Variants in AGAP1 observed in about 807,000 individuals in gnomAD.
The protein encoded by AGAP1 is ArfGAP with GTPase domain, ankyrin repeat and PH domain 1.
In AGAP1, 29 loss-of-function variants were observed where a neutral mutation model predicts 105.3. That is an observed-to-expected ratio of 0.28 (90% CI 0.21 to 0.38). AGAP1 has a LOEUF of 0.38. Ranked by LOEUF, AGAP1 falls within the 10% of genes least tolerant of loss-of-function variation. AGAP1 has a pLI of 1.00. For synonymous variants in AGAP1, 509 were observed against 485.9 expected, an observed-to-expected ratio of 1.05 and a Z score of -0.63; for missense variants, 998 against 1,165.1, an observed-to-expected ratio of 0.86 and a Z score of 2.09.
At position 235,875,159 on chromosome 2, in the gene AGAP1, G is replaced by A. The variant is rs950897930; in HGVS notation, c.1051-8186G>A. Among the ~76,000 whole-genome samples the A allele has an allele frequency of 2.0e-5, 3 of 152,190 alleles. No homozygotes were observed. The highest frequency in any genetic ancestry group is 1.5e-5 in the Non-Finnish European group (1 of 68,036). ...AGGAGGTCAGCCTTGTTTTATAAAT[G>A]AGGTCACTTTTCAACCTTACTGGTC... On this transcript the variant is annotated intron_variant, in intron 9 of 17. Coordinates refer to ENST00000304032, the MANE Select transcript of AGAP1 (RefSeq NM_001037131.3). The surrounding 1 kb of genome is among the most constrained non-coding windows in gnomAD (Gnocchi z 4.0).
intron 13 of AGAP1, among the ~76,000 whole-genome samples, chr2:235,990,018 T>C (rs758855636): frequency 3.3e-5 from 5 of 151,948 alleles, no homozygotes; most frequent in Non-Finnish European, 7.4e-5. Context: ...CTCACGGAGA[T>C]TCAGACTCAT....
At chr2:235,526,304 A>G (rs1022735698) in intron 1 of AGAP1, among the ~76,000 whole-genome samples, 2 of 152,240 alleles carry the variant, frequency 1.3e-5, no homozygotes, top group African/African-American at 2.4e-5. Flanking sequence ...CCAGAGGCAT[A>G]TCTAGGTTCT....
At position 235,964,321 on chromosome 2, in the gene AGAP1, G is replaced by A. The variant is rs2054303597; in HGVS notation, c.1484-4141G>A. Among the ~76,000 whole-genome samples, 1 of 152,098 alleles carries A rather than the reference G, an allele frequency of 6.6e-6. No homozygotes were observed. The highest frequency in any genetic ancestry group is 1.5e-5 in the Non-Finnish European group (1 of 68,026). On this transcript the variant is annotated intron_variant, in intron 12 of 17. Transcript: ENST00000304032. The surrounding 1 kb of genome is among the most constrained non-coding windows in gnomAD (Gnocchi z 4.6). ...TAGCGGCCCCTGGCAGCCGAGGAGA[G>A]TTGCGTTTGCCTGTTCTGCTTATCT...
At position 235,908,897 on chromosome 2, in the gene AGAP1, C is replaced by G. The variant is rs1213447906; in HGVS notation, c.1315C>G (p.Pro439Ala). ...GGACATGAGCAGTTTACACATCTCA[C>G]CCAATTCAGGTAAGCTTACAGCAAA... ...SKDMSSLHISPNSGNVTSASG... is the reference protein window; with the variant it reads ...SKDMSSLHISANSGNVTSASG... The change falls in exon 11 of 18, where the codon CCC becomes GCC. Residue 439 changes from proline to alanine, a missense_variant. Pro to Ala is a conservative substitution (Grantham distance 27). This residue lies in a region of AGAP1 where 735 missense variants were observed against 833.4 expected (regional missense o/e 0.88). Transcript: ENST00000304032. The surrounding 1 kb of genome is among the most constrained non-coding windows in gnomAD (Gnocchi z 4.4). The G allele has an allele frequency of 6.2e-7, 1 of 1,611,194 alleles. No individual in the cohort carries two copies. The highest frequency in any genetic ancestry group is 8.5e-7 in the Non-Finnish European group (1 of 1,178,176).
intron 1 of AGAP1, among the ~76,000 whole-genome samples, chr2:235,681,995 A>T (rs1575114389): frequency 6.6e-6 from 1 of 151,618 alleles, no homozygotes; most frequent in Middle Eastern, 3.5e-3. Context: ...GATTACAGGC[A>T]TCCGCCACCA....
chr2:235,767,576 A>T (rs553209946), intron 6 of AGAP1, among the ~76,000 whole-genome samples: 1 of 152,252 alleles, frequency 6.6e-6, no homozygotes, highest in South Asian at 2.1e-4. Context: ...GGAGTTGATC[A>T]TTTTTTGGAA....
Position 235,663,098 on chromosome 2 carries a change from G to T in AGAP1, c.164-46081G>T, listed in dbSNP as rs1217383579. On this transcript the variant is annotated intron_variant, in intron 1 of 17. Coordinates refer to ENST00000304032, the MANE Select transcript of AGAP1 (RefSeq NM_001037131.3). The surrounding 1 kb of genome is among the most constrained non-coding windows in gnomAD (Gnocchi z 5.4). ...CCAGCACTTTGGGAGGCCGAGGCGG[G>T]TGGATCATCTGAGGTCAGCCTGACC... is the stretch of plus-strand genomic sequence containing the variant. 6.6e-6 allele frequency among the ~76,000 whole-genome samples: 1 copy of T among 152,170 alleles called. No homozygotes were observed. Among genetic ancestry groups the T allele is most frequent in the Non-Finnish European group, 1.5e-5 (1 of 68,040 alleles).
At chr2:235,890,618 C>A (rs940937284) in intron 10 of AGAP1, among the ~76,000 whole-genome samples, 2 of 152,192 alleles carry the variant, frequency 1.3e-5, no homozygotes, top group Non-Finnish European at 2.9e-5. Flanking sequence ...GGAGCTGGAG[C>A]ACACCTGCAT....
rs553558816 is a variant in AGAP1, at chr2:235,499,243, C to T, written c.163+4394C>T. Among the ~76,000 whole-genome samples, 286 of 152,276 alleles carry T rather than the reference C, an allele frequency of 1.9e-3. 1 individual carries two copies. Among genetic ancestry groups the T allele is most frequent in the African/African-American group, 6.6e-3 (273 of 41,540 alleles). ...GTGCAAAGCATCCCAAGCTTGTTTC[C>T]GCCACCCAAGGCAAGAGGGTTTGAG... On this transcript the variant is annotated intron_variant, in intron 1 of 17. Coordinates refer to ENST00000304032, the MANE Select transcript of AGAP1 (RefSeq NM_001037131.3).
At chr2:235,795,694 T>C (rs1450440066) in intron 6 of AGAP1, among the ~76,000 whole-genome samples, 1 of 152,240 alleles carries the variant, frequency 6.6e-6, no homozygotes, top group Non-Finnish European at 1.5e-5. Flanking sequence ...TAAAAACTAC[T>C]ACCAGTTACC....
chr2:235,659,427 G>A lies in AGAP1; in HGVS notation c.164-49752G>A, dbSNP rs1167442461. 6.6e-6 allele frequency among the ~76,000 whole-genome samples: 1 copy of A among 152,202 alleles called. No homozygotes were observed. The highest frequency in any genetic ancestry group is 2.4e-5 in the African/African-American group (1 of 41,450). On this transcript the variant is annotated intron_variant, in intron 1 of 17. Transcript: ENST00000304032. The surrounding 1 kb of genome is among the most constrained non-coding windows in gnomAD (Gnocchi z 5.0). The stretch of plus-strand genomic sequence containing the variant: ...GGTGCACTGGGAAGGGGCGTCAGCT[G>A]GGCAGGCTGAGCCTGTCACCTTTTT...
intron 9 of AGAP1, among the ~76,000 whole-genome samples, chr2:235,862,908 T>A (rs534222402): frequency 6.6e-6 from 1 of 152,150 alleles, no homozygotes; most frequent in Non-Finnish European, 1.5e-5. Context: ...GATCTCTGTG[T>A]GCATGCTTTT....
chr2:235,727,358 G>A (rs1424316970), intron 3 of AGAP1, among the ~76,000 whole-genome samples: 1 of 152,080 alleles, frequency 6.6e-6, no homozygotes, highest in Admixed American at 6.5e-5. Context: ...AGGGGGTGTT[G>A]TGCAATGCAG....
chr2:235,523,194 C>T (rs1023952508), intron 1 of AGAP1, among the ~76,000 whole-genome samples: 1 of 152,144 alleles, frequency 6.6e-6, no homozygotes, highest in African/African-American at 2.4e-5. Context: ...CATCATGCTC[C>T]TCACGGCCAT....
intron 10 of AGAP1, among the ~76,000 whole-genome samples, chr2:235,884,452 GTTTTTTTT>G (rs35976413): frequency 2.4e-5 from 3 of 124,674 alleles, no homozygotes; most frequent in Non-Finnish European, 4.9e-5. Flanking sequence ...ATTTTTCACT[GTTTTTTTT>G]TTTTTTTTTG....
chr2:235,679,270 C>G (rs755106069), intron 1 of AGAP1, among the ~76,000 whole-genome samples: 32 of 152,132 alleles, frequency 2.1e-4, no homozygotes, highest in Non-Finnish European at 3.8e-4. Flanking sequence ...CATATCTTTG[C>G]TTTACTTTAT....
intron 6 of AGAP1, among the ~76,000 whole-genome samples, chr2:235,786,458 C>G (rs146256666): frequency 1.8e-3 from 267 of 152,282 alleles, no homozygotes; most frequent in African/African-American, 6.2e-3. Flanking sequence ...TCAGATTAAT[C>G]TAAGCTATGT....
At chr2:235,654,684 A>G (rs1947717235) in intron 1 of AGAP1, among the ~76,000 whole-genome samples, 1 of 152,198 alleles carries the variant, frequency 6.6e-6, no homozygotes, top group African/African-American at 2.4e-5. Context: ...CCACTTCTAA[A>G]GATGACATGC....
intron 1 of AGAP1, among the ~76,000 whole-genome samples, chr2:235,672,796 T>C (rs1415239584): frequency 6.6e-6 from 1 of 152,218 alleles, no homozygotes; most frequent in Non-Finnish European, 1.5e-5. Flanking sequence ...TCCCTCTTGA[T>C]ACAAGTTAAA....
Sources: gnomAD v4.1 joint callset for allele counts (sites outside exome capture counted in the v4.1 genomes callset) on GRCh38, gnomAD v4.1.1 for gene constraint, gnomAD v4.1.1 regional missense constraint, Gnocchi (gnomAD v3.1) non-coding constraint, MANE v1.5 for transcripts, NCBI Gene and HGNC (gene_info 2026-07-23, HGNC 2026-07-21) for gene names.